TSEN2: variants seen among roughly 807,000 people sequenced by gnomAD.
TSEN2 encodes the protein tRNA splicing endonuclease subunit 2.
TSEN2 carries 54 observed loss-of-function variants against 59.2 expected under a neutral mutation model. The observed-to-expected ratio is 0.91, with a 90% confidence interval of 0.73 to 1.14. The LOEUF is 1.14. Among genes scored for constraint, TSEN2 ranks in the 50% most tolerant of loss-of-function variants. TSEN2 has a pLI of 0.00. For missense variants in TSEN2, 636 were observed against 576.2 expected (o/e 1.10, Z -1.06); for synonymous variants, 195 against 198.2 (o/e 0.98, Z 0.14).
At chr3:12,502,853 C>T (rs1219268734) in intron 4 of TSEN2, among the ~76,000 whole-genome samples, 2 of 151,912 alleles carry the variant, frequency 1.3e-5, no homozygotes, top group Non-Finnish European at 2.9e-5. Context: ...GCGGGCGGAT[C>T]GTGAGGTCAG....
At chr3:12,506,803 C>T (rs144540998) in intron 6 of TSEN2, 6 of 985,218 alleles carry the variant, frequency 6.1e-6, no homozygotes, top group Non-Finnish European at 7.2e-6. Context: ...TTTGATAGTT[C>T]CTGCAGTGTC....
intron 7 of TSEN2, among the ~76,000 whole-genome samples, chr3:12,517,696 A>T (rs1182727402): frequency 6.6e-6 from 1 of 152,162 alleles, no homozygotes; most frequent in East Asian, 1.9e-4. Context: ...TTTGGAAGCA[A>T]TGTCTGCCTG....
chr3:12,513,629 C>T (rs1376185496), intron 6 of TSEN2, among the ~76,000 whole-genome samples: 1 of 152,198 alleles, frequency 6.6e-6, no homozygotes, highest in Non-Finnish European at 1.5e-5. Context: ...AGATCTCAAA[C>T]TTCAGTCTTT....
In TSEN2 at chr3:12,503,486, G is replaced by A; in HGVS notation, c.533G>A (p.Gly178Glu). Residue 178 changes from glycine (G) to glutamate (E), a missense_variant, in exon 5 of 12, where the codon GGA becomes GAA. Coordinates refer to ENST00000284995, the MANE Select transcript of TSEN2 (RefSeq NM_025265.4). ...ERPSVVNGDSGKSGGVGDPRE... is the reference protein window; with the variant it reads ...ERPSVVNGDSEKSGGVGDPRE... ...CCTTCTGTGGTAAACGGGGACTCTG[G>A]AAAGTCAGGTGGTGTGGGTGATCCC... 6.2e-7 allele frequency: 1 copy of A among 1,614,218 alleles called. No homozygotes were observed. The highest frequency in any genetic ancestry group is 8.5e-7 in the Non-Finnish European group (1 of 1,180,036).
chr3:12,529,789 T>C lies in TSEN2; in HGVS notation c.1164T>C (p.Asp388=). The change falls in exon 10 of 12, where the codon GAT becomes GAC. Residue 388 remains aspartate (D), a synonymous_variant. Coordinates refer to ENST00000284995, the MANE Select transcript of TSEN2 (RefSeq NM_025265.4). ...ATTCTGTCATTATCGAGCTAGTTGA[T>C]GACCATTTTGAAGGCTCTCTCCGCA... ...ASYSVIIELV[D]DHFEGSLRRP... The C allele has an allele frequency of 6.2e-7, 1 of 1,614,184 alleles. No homozygotes were observed. The highest frequency in any genetic ancestry group is 8.5e-7 in the Non-Finnish European group (1 of 1,180,026).
intron 6 of TSEN2, chr3:12,505,487 A>G (rs2054714156): frequency 2.3e-6 from 1 of 433,562 alleles, no homozygotes. Flanking sequence ...TTCTTTTCTC[A>G]TTAAGATTTT....
chr3:12,525,100 T>G (rs1260436725), intron 8 of TSEN2, among the ~76,000 whole-genome samples: 4 of 152,190 alleles, frequency 2.6e-5, no homozygotes, highest in African/African-American at 7.2e-5. Flanking sequence ...TGATGTTGAC[T>G]TTTTTCGAAG....
intron 6 of TSEN2, among the ~76,000 whole-genome samples, 200 bp from the exon 7 acceptor site, chr3:12,516,411 T>C (rs896144271): frequency 6.7e-6 from 1 of 150,198 alleles, no homozygotes; most frequent in African/African-American, 2.5e-5. Flanking sequence ...GACGACAGAG[T>C]GAGACTCCGT....
intron 4 of TSEN2, among the ~76,000 whole-genome samples, chr3:12,501,601 T>C (rs750806652): frequency 2.6e-5 from 4 of 152,110 alleles, no homozygotes; most frequent in Admixed American, 1.3e-4. Flanking sequence ...TTGTAAACTA[T>C]GACATATTCA....
intron 3 of TSEN2, among the ~76,000 whole-genome samples, chr3:12,493,983 T>G (rs2053492150): frequency 6.6e-6 from 1 of 152,230 alleles, no homozygotes; most frequent in Non-Finnish European, 1.5e-5. Flanking sequence ...CTTTGGTCCA[T>G]TTTGTGTTAA....
intron 10 of TSEN2, 127 bp downstream of exon 10, chr3:12,530,000 C>A: frequency 6.7e-7 from 1 of 1,496,852 alleles, no homozygotes. Context: ...CAGTGACATG[C>A]TGGAAGATTT....
intron 6 of TSEN2, among the ~76,000 whole-genome samples, chr3:12,514,101 A>G (rs1314622570): frequency 6.6e-6 from 1 of 152,230 alleles, no homozygotes; most frequent in Non-Finnish European, 1.5e-5. Context: ...ATGTAAGAGG[A>G]AGATTTTCAG....
rs1208885016 is a variant in TSEN2, at chr3:12,533,080, T to G, written c.*359T>G. On this transcript the variant is annotated 3_prime_UTR_variant, in exon 12 of 12. Transcript: ENST00000284995. ...TGATTTTACCTGAAAATGGTAGTAG[T>G]TTACATTTATACAGTACAGTTTATG... The G allele has an allele frequency of 2.2e-5, 8 of 368,440 alleles. No individual in the cohort carries two copies. The highest frequency in any genetic ancestry group is 3.6e-5 in the Non-Finnish European group (7 of 195,244). The allele number at this position is 368,440 out of a possible 1,614,324, so 22.8% of individuals were successfully genotyped here.
chr3:12,480,524 C>CTTT (rs2052178976), upstream of TSEN2, among the ~76,000 whole-genome samples: 2 of 108,640 alleles, frequency 1.8e-5, no homozygotes, highest in African/African-American at 4.0e-5. Context: ...TGTTTTGTTT[C>CTTT]TTTGTTTTTT....
intron 8 of TSEN2, among the ~76,000 whole-genome samples, chr3:12,519,993 G>A (rs943506661): frequency 2.6e-5 from 4 of 151,508 alleles, no homozygotes; most frequent in Non-Finnish European, 4.4e-5. Context: ...CAGTGGAGAC[G>A]CTTACTGTCT....
chr3:12,490,165 T>C (rs2053068716), intron 2 of TSEN2, among the ~76,000 whole-genome samples, 176 bp downstream of exon 2: 1 of 152,210 alleles, frequency 6.6e-6, no homozygotes, highest in African/African-American at 2.4e-5. Context: ...AAAAGCCATA[T>C]GTTAGGGTAA....
chr3:12,507,788 A>G lies in TSEN2; in HGVS notation c.909+2557A>G, dbSNP rs143242773. Among the ~76,000 whole-genome samples the G allele has an allele frequency of 2.1e-3, 325 of 152,292 alleles. 6 individuals carry two copies. Among genetic ancestry groups the G allele is most frequent in the East Asian group, 0.013 (69 of 5,188 alleles). ...TCCTTGGGCCCAATGCCTGACATCTATTAGGTGCGTAATACTTATTAAATG... is the reference window on the plus strand; with the variant it reads ...TCCTTGGGCCCAATGCCTGACATCTGTTAGGTGCGTAATACTTATTAAATG... On this transcript the variant is annotated intron_variant, in intron 6 of 11. Transcript: ENST00000284995.
downstream of TSEN2, among the ~76,000 whole-genome samples, chr3:12,537,932 A>G (rs1390248124): frequency 6.6e-6 from 1 of 152,212 alleles, no homozygotes; most frequent in Non-Finnish European, 1.5e-5. Context: ...GAATCCTAGT[A>G]TAAAATGTGA....
At chr3:12,525,388 G>A (rs2056994310) in intron 8 of TSEN2, among the ~76,000 whole-genome samples, 1 of 152,142 alleles carries the variant, frequency 6.6e-6, no homozygotes, top group South Asian at 2.1e-4. Context: ...GATACCATAA[G>A]TAGATACCAT....
Sources: gnomAD v4.1 joint callset for allele counts (sites outside exome capture counted in the v4.1 genomes callset) on GRCh38, gnomAD v4.1.1 for gene constraint, MANE v1.5 for transcripts, NCBI Gene and HGNC (gene_info 2026-07-23, HGNC 2026-07-21) for gene names.